The following SLC35F3 variants were observed in gnomAD, a reference collection of about 807,000 sequenced individuals.
SLC35F3 encodes putative thiamine transporter SLC35F3.
A neutral mutation model predicts 49.9 loss-of-function variants in SLC35F3; 25 were observed. That is an observed-to-expected ratio of 0.50 (90% CI 0.37 to 0.70). The LOEUF is 0.70. Ranked by LOEUF, SLC35F3 falls within the 30% of genes least tolerant of loss-of-function variation. SLC35F3 has a pLI of 0.00. For missense variants in SLC35F3, 525 were observed against 639.8 expected (o/e 0.82, Z 1.94); for synonymous variants, 275 against 265.4 (o/e 1.04, Z -0.35).
chr1:233,922,486 CTTTT>C (rs35271789), intron 2 of SLC35F3, among the ~76,000 whole-genome samples: 3,358 of 112,336 alleles, frequency 0.03, 80 homozygotes, highest in African/African-American at 0.1. Flanking sequence ...TTTTGATGGC[CTTTT>C]TTTTTTTTTT....
At chr1:234,276,628 A>T (rs2102978385) in intron 3 of SLC35F3, among the ~76,000 whole-genome samples, 1 of 151,946 alleles carries the variant, frequency 6.6e-6, no homozygotes, top group East Asian at 1.9e-4. Context: ...ATAACGGGTA[A>T]TTAACAAGGA....
chr1:234,278,599 C>A (rs1004167583), intron 3 of SLC35F3, among the ~76,000 whole-genome samples: 2 of 152,076 alleles, frequency 1.3e-5, no homozygotes, highest in Non-Finnish European at 2.9e-5. Context: ...CCTCTTAGTC[C>A]TTTCAGGTTG....
At chr1:233,906,962 C>T (rs992073757) in intron 2 of SLC35F3, among the ~76,000 whole-genome samples, 1 of 152,150 alleles carries the variant, frequency 6.6e-6, no homozygotes, top group South Asian at 2.1e-4. Context: ...GTATCTCTTC[C>T]AATCTCTTGC....
At position 233,905,729 on chromosome 1, in the gene SLC35F3, G is replaced by A; in HGVS notation, c.254G>A (p.Gly85Asp). 6.2e-7 allele frequency: 1 copy of A among 1,613,950 alleles called. No individual in the cohort carries two copies. The highest frequency in any genetic ancestry group is 1.1e-5 in the South Asian group (1 of 91,050). The stretch of plus-strand genomic sequence containing the variant: ...ATCCTGCGCATCACTGGCTACTATG[G>A]CTACCAGCCCTGGGCAGCGAGCTGC... ...ERILRITGYY[G>D]YQPWAASCKR... Residue 85 changes from glycine to aspartate, a missense_variant, in exon 2 of 8, where the codon GGC becomes GAC. Transcript: ENST00000366618.
chr1:234,256,545 T>G (rs1667824308), intron 3 of SLC35F3, among the ~76,000 whole-genome samples: 1 of 152,212 alleles, frequency 6.6e-6, no homozygotes, highest in Non-Finnish European at 1.5e-5. Flanking sequence ...CTCCTCTCTT[T>G]TGTGGTTTGA....
chr1:234,186,562 G>A lies in SLC35F3; in HGVS notation c.284-44855G>A, dbSNP rs528645023. Among the ~76,000 whole-genome samples, 63 of 152,308 alleles carry A rather than the reference G, an allele frequency of 4.1e-4. No homozygotes were observed. The South Asian group carries it at 9.3e-3, about 23-fold the overall frequency. ...CCTGGCACCTCATTTGAGGTGAGAT[G>A]TGACATGTGCCCTGAGACTCTGAAG... On this transcript the variant is annotated intron_variant, in intron 2 of 7. Transcript: ENST00000366618.
At chr1:234,168,250 T>G (rs1429969456) in intron 2 of SLC35F3, among the ~76,000 whole-genome samples, 15 of 152,222 alleles carry the variant, frequency 9.9e-5, no homozygotes, top group Admixed American at 9.8e-4. Flanking sequence ...CCTTAGAGAT[T>G]TCCTGCCACA....
chr1:234,233,249 T>C lies in SLC35F3; in HGVS notation c.608+1508T>C, dbSNP rs182277243. On this transcript the variant is annotated intron_variant, in intron 3 of 7. Coordinates refer to ENST00000366618, the MANE Select transcript of SLC35F3 (RefSeq NM_173508.4). ...AAATGATGTATTTAACAGTTAAGTA[T>C]CCCTAAGTGTATTTAATTTGTAATT... 2.2e-3 allele frequency among the ~76,000 whole-genome samples: 328 copies of C among 152,326 alleles called. 2 individuals are homozygous for C. The highest frequency in any genetic ancestry group is 3.7e-3 in the Non-Finnish European group (252 of 68,030).
rs781469880 is a variant in SLC35F3 at position 234,081,904 on chromosome 1, A to ATTTTTTTTTTTTTTTTTTTT, written c.284-149500_284-149481dup. On this transcript the variant is annotated intron_variant, in intron 2 of 7. Coordinates refer to ENST00000366618, the MANE Select transcript of SLC35F3 (RefSeq NM_173508.4). ...AGGCGCCTGCCACCATGCCTGGCTA[A>ATTTTTTTTTTTTTTTTTTTT]TTTTTTTTTTTTTTTTTTTTTTTTT... 1.3e-4 allele frequency among the ~76,000 whole-genome samples: 5 copies of ATTTTTTTTTTTTTTTTTTTT among 39,232 alleles called. 2 individuals are homozygous for ATTTTTTTTTTTTTTTTTTTT. Among genetic ancestry groups the ATTTTTTTTTTTTTTTTTTTT allele is most frequent in the African/African-American group, 6.7e-4 (5 of 7,466 alleles). The allele number at this position is 39,232 out of a possible 152,430, so 25.7% of individuals were successfully genotyped here. A position where few individuals can be genotyped will look rare whatever the true frequency, so the allele number is the denominator to read the frequency against.
At chr1:234,123,554 C>T (rs2102894506) in intron 2 of SLC35F3, among the ~76,000 whole-genome samples, 1 of 151,072 alleles carries the variant, frequency 6.6e-6, no homozygotes, top group East Asian at 2.0e-4. Flanking sequence ...GGACTACAGG[C>T]GTGTGCCACC....
chr1:234,108,291 A>T (rs1436485599), intron 2 of SLC35F3, among the ~76,000 whole-genome samples: 1 of 81,048 alleles, frequency 1.2e-5, no homozygotes, highest in African/African-American at 3.8e-5. Flanking sequence ...TTATTTATAT[A>T]TAAAGATATA....
intron 2 of SLC35F3, among the ~76,000 whole-genome samples, chr1:233,983,130 A>T (rs1276215137): frequency 6.6e-6 from 1 of 152,116 alleles, no homozygotes; most frequent in African/African-American, 2.4e-5. Context: ...CAATAAAGAA[A>T]CCACAGAACT....
intron 2 of SLC35F3, among the ~76,000 whole-genome samples, chr1:233,955,245 A>G (rs1424173844): frequency 6.6e-6 from 1 of 152,196 alleles, no homozygotes; most frequent in African/African-American, 2.4e-5. Context: ...ACAGCTATAC[A>G]CTTCTGAGTT....
At chr1:234,096,632 G>T (rs567015174) in intron 2 of SLC35F3, among the ~76,000 whole-genome samples, 7 of 152,190 alleles carry the variant, frequency 4.6e-5, no homozygotes, top group Non-Finnish European at 7.3e-5. Context: ...GTGGTGAGAG[G>T]CAAGACTGGA....
intron 2 of SLC35F3, among the ~76,000 whole-genome samples, chr1:234,055,082 T>C (rs909962195): frequency 1.1e-4 from 17 of 152,160 alleles, no homozygotes; most frequent in Admixed American, 7.9e-4. Flanking sequence ...GTTAGACTAC[T>C]CGGGGGTCAG....
intron 3 of SLC35F3, among the ~76,000 whole-genome samples, chr1:234,240,616 TAAAA>T (rs1052225547): frequency 1.1e-4 from 17 of 148,364 alleles, no homozygotes; most frequent in African/African-American, 3.2e-4. Context: ...AAAAAAAAAA[TAAAA>T]AAGCCAAATA....
At chr1:233,982,398 T>A (rs1398709479) in intron 2 of SLC35F3, among the ~76,000 whole-genome samples, 2 of 152,088 alleles carry the variant, frequency 1.3e-5, no homozygotes, top group Non-Finnish European at 2.9e-5. Context: ...TTTTTTGACA[T>A]AGTTTTGCTC....
chr1:234,268,074 AT>A (rs1668026663), intron 3 of SLC35F3, among the ~76,000 whole-genome samples: 1 of 151,926 alleles, frequency 6.6e-6, no homozygotes, highest in Admixed American at 6.6e-5. Flanking sequence ...AGAGGCTGCA[AT>A]CTCGGCTCTT....
intron 2 of SLC35F3, among the ~76,000 whole-genome samples, chr1:234,065,172 A>G (rs1256476127): frequency 1.3e-5 from 2 of 151,964 alleles, no homozygotes; most frequent in Admixed American, 1.3e-4. Context: ...TTTTGAGACA[A>G]AGTCTCGCTC....
Sources: gnomAD v4.1 joint callset for allele counts (sites outside exome capture counted in the v4.1 genomes callset) on GRCh38, gnomAD v4.1.1 for gene constraint, MANE v1.5 for transcripts, NCBI Gene and HGNC (gene_info 2026-07-23, HGNC 2026-07-21) for gene names.